The following ELAVL3 variants were observed in gnomAD, a reference collection of about 807,000 sequenced individuals.
ELAVL3 encodes the protein ELAV like RNA binding protein 3, also known as ELAV-like protein 3.
In ELAVL3, 8 loss-of-function variants were observed where a neutral mutation model predicts 34.2. The ratio of observed to expected loss-of-function variants is 0.23; its 90% CI spans 0.14 to 0.42. The LOEUF is 0.42. Ranked by LOEUF, ELAVL3 falls within the 10% of genes least tolerant of loss-of-function variation. The pLI, the probability that ELAVL3 is intolerant of heterozygous loss-of-function variation, is 1.00. For synonymous variants in ELAVL3, 209 were observed against 222.1 expected (o/e 0.94, Z 0.53); for missense variants, 273 against 518.8 (o/e 0.53, Z 4.60).
At chr19:11,457,261 CCCCGCCTGCCTGCTCCCCG>C in intron 5 of ELAVL3, 113 bp from the exon 6 acceptor site, 1 of 1,162,774 alleles carries the variant, frequency 8.6e-7, no homozygotes, top group South Asian at 1.6e-5. Flanking sequence ...AGAGCCCTGC[CCCCGCCTGCCTGCTCCCCG>C]CCCGCCCGGC....
chr19:11,454,311 TGGGG>T lies in ELAVL3; in HGVS notation c.*211_*214del. The T allele has an allele frequency of 1.8e-6, 1 of 559,714 alleles. No individual in the cohort carries two copies. The highest frequency in any genetic ancestry group is 3.2e-6 in the Non-Finnish European group (1 of 316,022). 34.7% of individuals were successfully genotyped at this position (559,714 alleles called of 1,614,324 possible). ...CCAGCCTGGGGTGGGGGCAGGAGGA[TGGGG>T]CGGGGGATCCCCGGGCACCCCCCCA... On this transcript the variant is annotated 3_prime_UTR_variant, in exon 7 of 7. Coordinates refer to ENST00000359227, the MANE Select transcript of ELAVL3 (RefSeq NM_001420.4). The surrounding 1 kb of genome is among the most constrained non-coding windows in gnomAD (Gnocchi z 9.2).
At chr19:11,476,111 A>G (rs531778403) in intron 1 of ELAVL3, among the ~76,000 whole-genome samples, 3 of 152,368 alleles carry the variant, frequency 2.0e-5, no homozygotes, top group East Asian at 3.9e-4. Flanking sequence ...ACAGCTCTGC[A>G]TTCCCGTCTC....
rs1970810002 is a variant in ELAVL3 at position 11,458,167 on chromosome 19, C to T, written c.607G>A (p.Ala203Thr). The change falls in exon 5 of 7, where the codon GCG becomes ACG. Residue 203 changes from alanine (A) to threonine (T), a missense_variant. Around this residue, in one of 4 missense-constraint regions of ELAVL3, gnomAD observed 102 missense variants for 250.1 expected, o/e 0.41. Coordinates refer to ENST00000359227, the MANE Select transcript of ELAVL3 (RefSeq NM_001420.4). This position sits in a 1 kb window ranked among gnomAD's most constrained non-coding sequence, Gnocchi z 7.3. ...CCCGTCTTCTGACTTGGGTTGTTCG[C>T]GAACTTGACTGTGATGGGCTCAGCT... The part of the protein sequence containing the change: ...GAAEPITVKF[A>T]NNPSQKTGQA... 6.2e-7 allele frequency: 1 copy of T among 1,614,164 alleles called. No individual in the cohort carries two copies. The highest frequency in any genetic ancestry group is 8.5e-7 in the Non-Finnish European group (1 of 1,180,038).
intron 3 of ELAVL3, among the ~76,000 whole-genome samples, chr19:11,465,299 C>T (rs536443811): frequency 1.4e-4 from 21 of 150,104 alleles, no homozygotes; most frequent in African/African-American, 3.2e-4. Context: ...ACACCACACA[C>T]ACACACACCA....
intron 3 of ELAVL3, among the ~76,000 whole-genome samples, chr19:11,460,271 TCCCA>T (rs751464016): frequency 2.6e-5 from 4 of 151,972 alleles, no homozygotes; most frequent in Admixed American, 6.6e-5. Flanking sequence ...ACTGCCACTG[TCCCA>T]CCCTGGCCCA....
At position 11,458,822 on chromosome 19, in the gene ELAVL3, T is replaced by C. The variant is rs772916591; in HGVS notation, c.334-211A>G. 2.6e-5 allele frequency among the ~76,000 whole-genome samples: 4 copies of C among 152,134 alleles called. No homozygotes were observed. The highest frequency in any genetic ancestry group is 5.9e-5 in the Non-Finnish European group (4 of 68,016). ...GCTGTAACAACTTGGACTGCCTGTA[T>C]AGAGTGATGGGGACCTGCCACCTAG... On this transcript the variant is annotated intron_variant, in intron 3 of 6. Coordinates refer to ENST00000359227, the MANE Select transcript of ELAVL3 (RefSeq NM_001420.4). This position sits in a 1 kb window ranked among gnomAD's most constrained non-coding sequence, Gnocchi z 7.3.
rs571973474 is a variant in ELAVL3 at position 11,457,658 on chromosome 19, G to A, written c.713+403C>T. 6.6e-5 allele frequency among the ~76,000 whole-genome samples: 10 copies of A among 152,286 alleles called. No individual in the cohort carries two copies. The South Asian group carries it at 1.4e-3, about 22-fold the overall frequency. On this transcript the variant is annotated intron_variant, in intron 5 of 6. Coordinates refer to ENST00000359227, the MANE Select transcript of ELAVL3 (RefSeq NM_001420.4). ...CACCTCTCTGTGCCTCAGGGTCCCCGTCCATAAAACAGGGACAACACAAGC... is the reference window on the plus strand; with the variant it reads ...CACCTCTCTGTGCCTCAGGGTCCCCATCCATAAAACAGGGACAACACAAGC...
rs1448968538 is a variant in ELAVL3 at position 11,453,831 on chromosome 19, TTC to T, written c.*693_*694del. The T allele has an allele frequency of 3.4e-5, 5 of 146,422 alleles. No homozygotes were observed. The highest frequency in any genetic ancestry group is 1.0e-4 in the African/African-American group (4 of 40,094). 9.1% of individuals were successfully genotyped at this position (146,422 alleles called of 1,614,324 possible). On this transcript the variant is annotated 3_prime_UTR_variant, in exon 7 of 7. Coordinates refer to ENST00000359227, the MANE Select transcript of ELAVL3 (RefSeq NM_001420.4). Reference sequence around the variant, plus strand: ...GGTAAACATAACCTGCCAAAATATTTTCTTTTTTTTTTTTTGTCTTTTTTTGT... The same window carrying T: ...GGTAAACATAACCTGCCAAAATATTTTTTTTTTTTTTTTGTCTTTTTTTGT...
Position 11,454,214 on chromosome 19 carries a change from G to T in ELAVL3, c.*312C>A, listed in dbSNP as rs563601251. On this transcript the variant is annotated 3_prime_UTR_variant, in exon 7 of 7. Transcript: ENST00000359227. The surrounding 1 kb of genome is among the most constrained non-coding windows in gnomAD (Gnocchi z 9.2). ...AGGGTGGGGGTGGGGGCACATCTCTGCATTCTTTTTAGCCGAAAAAAGAAA... is the reference window on the plus strand; with the variant it reads ...AGGGTGGGGGTGGGGGCACATCTCTTCATTCTTTTTAGCCGAAAAAAGAAA... 3.2e-6 allele frequency: 1 copy of T among 311,726 alleles called. No individual in the cohort carries two copies. The highest frequency in any genetic ancestry group is 4.6e-5 in the Admixed American group (1 of 21,746). The allele number at this position is 311,726 out of a possible 1,614,324, so 19.3% of individuals were successfully genotyped here.
At chr19:11,469,442 G>A (rs1045064497) in intron 1 of ELAVL3, among the ~76,000 whole-genome samples, 14 of 151,878 alleles carry the variant, frequency 9.2e-5, no homozygotes, top group East Asian at 7.8e-4. Context: ...CACCATGCCC[G>A]GCTAATTTTG....
chr19:11,473,136 C>T (rs957178556), intron 1 of ELAVL3, among the ~76,000 whole-genome samples: 8 of 151,666 alleles, frequency 5.3e-5, no homozygotes, highest in African/African-American at 1.2e-4. Context: ...GAGGCCGAGG[C>T]GTGTGGATCA....
Position 11,454,890 on chromosome 19 carries a change from T to C in ELAVL3, c.753-13A>G, listed in dbSNP as rs1410819389. 1 of 1,582,750 alleles carries C rather than the reference T, an allele frequency of 6.3e-7. No homozygotes were observed. The highest frequency in any genetic ancestry group is 1.7e-5 in the Admixed American group (1 of 58,964). Reference sequence around the variant, plus strand: ...GAGCGACAGGGGACTACTTTGGGGGTCACGCGGGCTCTGCCCTGACCCCCC... The same window carrying C: ...GAGCGACAGGGGACTACTTTGGGGGCCACGCGGGCTCTGCCCTGACCCCCC... On this transcript the variant is annotated splice_polypyrimidine_tract_variant and intron_variant, in intron 6 of 6. Coordinates refer to ENST00000359227, the MANE Select transcript of ELAVL3 (RefSeq NM_001420.4). This position sits in a 1 kb window ranked among gnomAD's most constrained non-coding sequence, Gnocchi z 9.2.
chr19:11,458,624 G>T lies in ELAVL3; in HGVS notation c.334-13C>A. ...TGGCATAGGACACCTGGGTGAGGGG[G>T]TCAGATGGACAGGGGTGAGGCAGAG... On this transcript the variant is annotated splice_polypyrimidine_tract_variant and intron_variant, in intron 3 of 6. Coordinates refer to ENST00000359227, the MANE Select transcript of ELAVL3 (RefSeq NM_001420.4). This position sits in a 1 kb window ranked among gnomAD's most constrained non-coding sequence, Gnocchi z 7.3. 1 of 1,613,110 alleles carries T rather than the reference G, an allele frequency of 6.2e-7. No homozygotes were observed. The highest frequency in any genetic ancestry group is 1.1e-5 in the South Asian group (1 of 91,078).
intron 5 of ELAVL3, among the ~76,000 whole-genome samples, chr19:11,457,459 C>G (rs185354437): frequency 6.6e-5 from 10 of 152,324 alleles, no homozygotes; most frequent in African/African-American, 1.2e-4. Flanking sequence ...CTAACAAAGG[C>G]GACAGTAACT....
chr19:11,457,260 C>T, intron 5 of ELAVL3, 112 bp from the exon 6 acceptor site: 1 of 1,152,986 alleles, frequency 8.7e-7, no homozygotes, highest in Non-Finnish European at 1.2e-6. Context: ...CAGAGCCCTG[C>T]CCCCGCCTGC....
rs1256511481 is a variant in ELAVL3, at chr19:11,458,384, T to C, written c.487+74A>G. 2.5e-6 allele frequency: 4 copies of C among 1,606,750 alleles called. No individual in the cohort carries two copies. The highest frequency in any genetic ancestry group is 3.4e-6 in the Non-Finnish European group (4 of 1,175,846). ...CTTCATGCCCTGGCATCTTGGTCGGTTTCCCCACGTTGGTCCCACCTGACT... is the reference window on the plus strand; with the variant it reads ...CTTCATGCCCTGGCATCTTGGTCGGCTTCCCCACGTTGGTCCCACCTGACT... On this transcript the variant is annotated intron_variant, in intron 4 of 6. Transcript: ENST00000359227. This position sits in a 1 kb window ranked among gnomAD's most constrained non-coding sequence, Gnocchi z 7.3.
intron 3 of ELAVL3, among the ~76,000 whole-genome samples, chr19:11,464,121 C>G (rs1357063324): frequency 2.5e-5 from 3 of 121,472 alleles, no homozygotes; most frequent in African/African-American, 1.2e-4. Context: ...CTGTCTCTCT[C>G]TGTCTCTCTC....
At chr19:11,472,904 TAAA>T (rs1409480305) in intron 1 of ELAVL3, among the ~76,000 whole-genome samples, 1 of 151,332 alleles carries the variant, frequency 6.6e-6, no homozygotes, top group African/African-American at 2.4e-5. Context: ...CCGTCTCTAC[TAAA>T]AATACAAAAA....
chr19:11,459,158 C>G (rs1970832568), intron 3 of ELAVL3, among the ~76,000 whole-genome samples: 1 of 146,612 alleles, frequency 6.8e-6, no homozygotes, highest in African/African-American at 2.5e-5. Context: ...GAGTGTTGCT[C>G]TGTCGCCAGG....
Sources: allele counts gnomAD v4.1 joint callset (sites outside exome capture counted in the v4.1 genomes callset), GRCh38; gene constraint gnomAD v4.1.1; regional missense constraint gnomAD v4.1.1; non-coding constraint Gnocchi (gnomAD v3.1); transcripts MANE v1.5; gene names NCBI Gene and HGNC (gene_info 2026-07-23, HGNC 2026-07-21).